Variants in TMEM143 observed in about 807,000 individuals in gnomAD.
TMEM143 encodes the protein transmembrane protein 143.
In TMEM143, 45 loss-of-function variants were observed where a neutral mutation model predicts 40.3. The observed-to-expected ratio is 1.12, with a 90% CI of 0.88 to 1.43. The LOEUF is 1.43. Ranked by LOEUF, TMEM143 falls within the 40% of genes most tolerant of loss-of-function variation. The probability of loss-of-function intolerance (pLI) is 0.00; values close to 1 mark genes in which losing one functional copy is unlikely to be tolerated. For missense variants in TMEM143, 620 were observed against 613.4 expected (o/e 1.01, Z -0.11); for synonymous variants, 299 against 282.7 (o/e 1.06, Z -0.58).
intron 2 of TMEM143, among the ~76,000 whole-genome samples, chr19:48,361,624 G>C (rs1001954342): frequency 6.7e-6 from 1 of 150,224 alleles, no homozygotes; most frequent in Non-Finnish European, 1.5e-5. Flanking sequence ...TCCGCTTCCC[G>C]GGTTCACACC....
rs368208555 is a variant in TMEM143, at chr19:48,342,559, C to T, written c.946G>A (p.Ala316Thr). The change falls in exon 6 of 8, where the codon GCC (alanine) becomes ACC (threonine). Residue 316 changes from alanine to threonine, a missense_variant. Transcript: ENST00000293261. ...VATSLLLLLF[A>T]IFMGLRASKM... is the part of the protein sequence containing the mutation. ...GAGGCCCGCAGGCCCATGAAGATGG[C>T]GAAGAGCAGCAGCAGCAGGGAGGTG... 21 of 1,611,090 alleles carry T rather than the reference C, an allele frequency of 1.3e-5. No individual in the cohort carries two copies. The highest frequency in any genetic ancestry group is 8.0e-5 in the African/African-American group (6 of 75,026).
intron 3 of TMEM143, among the ~76,000 whole-genome samples, chr19:48,358,906 C>T (rs1466044070): frequency 2.6e-5 from 4 of 152,276 alleles, no homozygotes; most frequent in Middle Eastern, 3.4e-3. Flanking sequence ...CAGTGGCTCA[C>T]GCCTGTAATC....
At chr19:48,334,318 G>T in intron 6 of TMEM143, 121 bp from the exon 7 acceptor site, 2 of 1,067,382 alleles carry the variant, frequency 1.9e-6, no homozygotes, top group Non-Finnish European at 2.7e-6. Context: ...AGGCGGGGAG[G>T]TCCTACCCAG....
Position 48,333,560 on chromosome 19 carries a change from T to C in TMEM143, c.1166-127A>G. The C allele has an allele frequency of 1.6e-6, 1 of 616,028 alleles. No homozygotes were observed. Among genetic ancestry groups the C allele is most frequent in the Non-Finnish European group, 2.7e-6 (1 of 365,486 alleles). The allele number at this position is 616,028 out of a possible 1,614,324, so 38.2% of individuals were successfully genotyped here. On this transcript the variant is annotated intron_variant, in intron 7 of 7. Coordinates refer to ENST00000293261, the MANE Select transcript of TMEM143 (RefSeq NM_018273.4). The surrounding 1 kb of genome is among the most constrained non-coding windows in gnomAD (Gnocchi z 4.1). ...GTTTGGGAGAAGCCTAGGAGTGATCTTGAGGCTTGGAGGGGAGCGGAACAA... is the reference window on the plus strand; with the variant it reads ...GTTTGGGAGAAGCCTAGGAGTGATCCTGAGGCTTGGAGGGGAGCGGAACAA...
intron 5 of TMEM143, 107 bp from the exon 6 acceptor site, chr19:48,342,916 T>A: frequency 3.3e-5 from 42 of 1,273,100 alleles, no homozygotes; most frequent in Non-Finnish European, 3.8e-5. Context: ...ACAACCATCT[T>A]AAAAGCGACT....
At chr19:48,351,733 C>T (rs894320104) in intron 3 of TMEM143, among the ~76,000 whole-genome samples, 6 of 152,144 alleles carry the variant, frequency 3.9e-5, no homozygotes, top group Non-Finnish European at 8.8e-5. Flanking sequence ...GGGCTTGCTC[C>T]CCTCTCCTTC....
intron 3 of TMEM143, among the ~76,000 whole-genome samples, chr19:48,351,718 C>A (rs1969778677): frequency 6.6e-6 from 1 of 152,158 alleles, no homozygotes; most frequent in Non-Finnish European, 1.5e-5. Context: ...CCTCACATCT[C>A]CATAGGGCTT....
intron 3 of TMEM143, among the ~76,000 whole-genome samples, chr19:48,356,113 CT>C (rs897832297): frequency 6.7e-6 from 1 of 150,222 alleles, no homozygotes; most frequent in Non-Finnish European, 1.5e-5. Flanking sequence ...TGCCTTTTTC[CT>C]TTTTTTTTCT....
chr19:48,343,489 T>C (rs776672322), intron 4 of TMEM143, 38 bp from the exon 5 acceptor site: 2 of 1,544,838 alleles, frequency 1.3e-6, no homozygotes, highest in African/African-American at 1.4e-5. Context: ...CGGGTGAACA[T>C]GGGCAGGAGT....
chr19:48,335,715 C>T (rs1231242642), intron 6 of TMEM143, among the ~76,000 whole-genome samples: 1 of 151,936 alleles, frequency 6.6e-6, no homozygotes, highest in Non-Finnish European at 1.5e-5. Flanking sequence ...AAGAATGAAA[C>T]TCTGCCTCAA....
At chr19:48,334,258 C>T (rs1969291746) in intron 6 of TMEM143, 61 bp from the exon 7 acceptor site, 17 of 1,496,268 alleles carry the variant, frequency 1.1e-5, no homozygotes, top group Admixed American at 4.1e-5. Flanking sequence ...CATACACAGC[C>T]CCCGGGGTCA....
intron 6 of TMEM143, among the ~76,000 whole-genome samples, chr19:48,336,260 G>A (rs144672642): frequency 0.022 from 3,414 of 152,186 alleles, 52 homozygotes; most frequent in Middle Eastern, 0.071. Context: ...GTTCATGCCT[G>A]TAATTCTAGC....
At position 48,342,611 on chromosome 19, in the gene TMEM143, C is replaced by T. The variant is rs1279111539; in HGVS notation, c.894G>A (p.Met298Ile). 2 of 1,613,726 alleles carry T rather than the reference C, an allele frequency of 1.2e-6. No individual in the cohort carries two copies. Among genetic ancestry groups the T allele is most frequent in the Non-Finnish European group, 1.7e-6 (2 of 1,180,004 alleles). ...CCACCTTGAGGTCGGTTAGCACCACCATGCCCACGTTGACGAAGATCGCCA... is the reference window on the plus strand; with the variant it reads ...CCACCTTGAGGTCGGTTAGCACCACTATGCCCACGTTGACGAAGATCGCCA... ...SGVAIFVNVG[M>I]VVLTDLKVAT... Residue 298 changes from methionine (M) to isoleucine (I), a missense_variant, in exon 6 of 8, where the codon ATG becomes ATA. Transcript: ENST00000293261.
At chr19:48,355,527 G>A (rs1969869647) in intron 3 of TMEM143, among the ~76,000 whole-genome samples, 1 of 152,144 alleles carries the variant, frequency 6.6e-6, no homozygotes, top group Non-Finnish European at 1.5e-5. Flanking sequence ...GATGGCGGCT[G>A]TCTCTCCGCA....
At position 48,363,402 on chromosome 19, in the gene TMEM143, C is replaced by T. The variant is rs1970105146; in HGVS notation, c.153G>A (p.Met51Ile). The change falls in exon 2 of 8, where the codon ATG (methionine) becomes ATA (isoleucine). Residue 51 changes from methionine (M) to isoleucine (I), a missense_variant. Coordinates refer to ENST00000293261, the MANE Select transcript of TMEM143 (RefSeq NM_018273.4). ...GGTTCCACATCTTGCGATACTCCCC[C>T]ATTTTGGCTGCCAGCGATGAGAGGG... ...PRALSSLAAKMGEYRKMWNPR... is the reference protein window; with the variant it reads ...PRALSSLAAKIGEYRKMWNPR... 6.2e-7 allele frequency: 1 copy of T among 1,614,208 alleles called. No individual in the cohort carries two copies. Among genetic ancestry groups the T allele is most frequent in the Admixed American group, 1.7e-5 (1 of 60,032 alleles).
intron 1 of TMEM143, 158 bp from the exon 2 acceptor site, chr19:48,363,689 C>A: frequency 7.2e-7 from 1 of 1,381,068 alleles, no homozygotes; most frequent in Non-Finnish European, 9.8e-7. Context: ...CCTTCCCACA[C>A]TGCTCAGTTG....
At chr19:48,361,444 A>C (rs2655932) in intron 2 of TMEM143, among the ~76,000 whole-genome samples, 106,989 of 151,778 alleles carry the variant, frequency 0.7, 38,312 homozygotes, top group East Asian at 0.83. Context: ...TCTCAAACTC[A>C]TGACCTCAGG....
intron 3 of TMEM143, 73 bp from the exon 4 acceptor site, chr19:48,345,427 T>A: frequency 1.0e-6 from 1 of 1,002,476 alleles, no homozygotes; most frequent in South Asian, 3.2e-5. Flanking sequence ...TCTAAGGACA[T>A]CCCTCTCCAG....
At position 48,337,890 on chromosome 19, in the gene TMEM143, G is replaced by GA. The variant is rs370128221; in HGVS notation, c.976-3694dup. ...GCATGCGTTAGGGACCGTGTGGTAT[G>GA]AAAAACACATTGGGTTTGTGTCAGT... On this transcript the variant is annotated intron_variant, in intron 6 of 7. Coordinates refer to ENST00000293261, the MANE Select transcript of TMEM143 (RefSeq NM_018273.4). Among the ~76,000 whole-genome samples the GA allele has an allele frequency of 1.1e-3, 173 of 152,268 alleles. 2 individuals carry two copies. The highest frequency in any genetic ancestry group is 4.0e-3 in the African/African-American group (165 of 41,548).
Sources: gnomAD v4.1 joint callset for allele counts (sites outside exome capture counted in the v4.1 genomes callset) on GRCh38, gnomAD v4.1.1 for gene constraint, Gnocchi (gnomAD v3.1) non-coding constraint, MANE v1.5 for transcripts, NCBI Gene and HGNC (gene_info 2026-07-23, HGNC 2026-07-21) for gene names.